Variants in FAP observed in about 807,000 individuals in gnomAD.
The protein encoded by FAP is prolyl endopeptidase FAP.
A neutral mutation model predicts 126.5 loss-of-function variants in FAP; 110 were observed. That is an observed-to-expected ratio of 0.87 (90% confidence interval 0.74 to 1.02). The LOEUF is 1.02. Among genes scored for constraint, FAP ranks in the 50% least tolerant of loss-of-function variants. The probability of loss-of-function intolerance (pLI) is 0.00; values close to 1 mark genes in which losing one functional copy is unlikely to be tolerated. For missense variants in FAP, 919 were observed against 909.2 expected (o/e 1.01, Z -0.14); for synonymous variants, 334 against 297.3 (o/e 1.12, Z -1.27).
Position 162,209,938 on chromosome 2 carries a change from T to C in FAP, c.1047+14A>G. ...GTTTCATTAAAACATAAGAAAAAGA[T>C]AGCAAAATCATACTCCACCAGCCCA... On this transcript the variant is annotated intron_variant, in intron 12 of 25. Coordinates refer to ENST00000188790, the MANE Select transcript of FAP (RefSeq NM_004460.5). 4 of 1,610,962 alleles carry C rather than the reference T, an allele frequency of 2.5e-6. No homozygotes were observed. Among genetic ancestry groups the C allele is most frequent in the Admixed American group, 1.7e-5 (1 of 59,968 alleles).
chr2:162,183,348 C>A lies in FAP; in HGVS notation c.1869+66G>T, dbSNP rs544037890. The A allele has an allele frequency of 3.4e-6, 4 of 1,193,550 alleles. No individual in the cohort carries two copies. The African/African-American group carries it at 4.6e-5, about 14-fold the overall frequency. The allele number at this position is 1,193,550 out of a possible 1,614,324, so 73.9% of individuals were successfully genotyped here. ...AACATTTCATGAGAAACCTTCTAAA[C>A]GAACACTTCAGAAAATGATGATTGC... On this transcript the variant is annotated intron_variant, in intron 21 of 25. Transcript: ENST00000188790.
At chr2:162,203,018 G>A (rs373032288) in intron 13 of FAP, 23 bp downstream of exon 13, 402 of 1,594,700 alleles carry the variant, frequency 2.5e-4, no homozygotes, top group Non-Finnish European at 3.4e-4. Context: ...TCTTTGAGGA[G>A]ATAAATCTTG....
intron 14 of FAP, among the ~76,000 whole-genome samples, chr2:162,200,869 G>T (rs1688471174): frequency 6.6e-6 from 1 of 152,102 alleles, no homozygotes; most frequent in Admixed American, 6.6e-5. Context: ...TTCATTATGA[G>T]TCATGCAAAA....
intron 2 of FAP, among the ~76,000 whole-genome samples, chr2:162,233,356 C>T (rs77335736): frequency 0.035 from 5,360 of 152,084 alleles, 464 homozygotes; most frequent in Admixed American, 0.21. Flanking sequence ...TCTATTTCTA[C>T]TGCACCCCCA....
At chr2:162,230,721 G>A (rs1559794071) in intron 2 of FAP, among the ~76,000 whole-genome samples, 1 of 151,994 alleles carries the variant, frequency 6.6e-6, no homozygotes, top group Non-Finnish European at 1.5e-5. Context: ...ATAAAAAACA[G>A]ATTCCTAGTA....
In FAP at chr2:162,243,381, T is replaced by C; in HGVS notation, c.-54A>G. ...ATTCTGTCTTCAGAGCGTGGGTCAC[T>C]GGATCTGTGAAAACCGTTGAAAAGG... is the stretch of plus-strand genomic sequence containing the variant. On this transcript the variant is annotated 5_prime_UTR_variant, in exon 1 of 26. Coordinates refer to ENST00000188790, the MANE Select transcript of FAP (RefSeq NM_004460.5). 1 of 1,595,726 alleles carries C rather than the reference T, an allele frequency of 6.3e-7. No individual in the cohort carries two copies. The highest frequency in any genetic ancestry group is 8.5e-7 in the Non-Finnish European group (1 of 1,173,492).
chr2:162,193,656 A>T (rs1688134617), intron 17 of FAP: 1 of 152,222 alleles, frequency 6.6e-6, no homozygotes, highest in South Asian at 2.1e-4. Context: ...GTTATTCTTA[A>T]AAGTATTTCC....
Position 162,215,901 on chromosome 2 carries a change from G to T in FAP, c.863C>A (p.Ser288Ter). The stretch of plus-strand genomic sequence containing the variant: ...GGAGGGATCTGAGATGAACTACCTT[G>T]AGGCTATCATTGCTGGAACAGGCAC... ...QEVPVPAMIA[S>*]SDYYFSWLTW... The change falls in exon 10 of 26, where the codon TCA (serine) becomes TAA (stop). Residue 288 changes from serine to a stop codon, truncating the protein, a stop_gained. Transcript: ENST00000188790. LOFTEE classifies it high-confidence loss of function. 6.2e-7 allele frequency: 1 copy of T among 1,608,880 alleles called. No individual in the cohort carries two copies. Among genetic ancestry groups the T allele is most frequent in the Non-Finnish European group, 8.5e-7 (1 of 1,175,198 alleles).
intron 20 of FAP, among the ~76,000 whole-genome samples, chr2:162,186,192 T>C (rs1005594362): frequency 6.6e-6 from 1 of 152,150 alleles, no homozygotes; most frequent in African/African-American, 2.4e-5. Context: ...TGTACTGCAA[T>C]GGCATGTATT....
chr2:162,211,208 A>C (rs1348702988), intron 11 of FAP, among the ~76,000 whole-genome samples: 1 of 152,168 alleles, frequency 6.6e-6, no homozygotes, highest in Admixed American at 6.5e-5. Flanking sequence ...GTTGATGCTC[A>C]GGTTTGACCA....
chr2:162,222,941 T>G (rs1277048596), intron 6 of FAP, among the ~76,000 whole-genome samples: 1 of 152,160 alleles, frequency 6.6e-6, no homozygotes, highest in Non-Finnish European at 1.5e-5. Flanking sequence ...CATATTCTTC[T>G]TGCTGCCAGA....
At chr2:162,218,165 A>C (rs760436227) in intron 8 of FAP, 25 bp from the exon 9 acceptor site, 7 of 1,470,184 alleles carry the variant, frequency 4.8e-6, no homozygotes, top group Non-Finnish European at 6.5e-6. Context: ...CTAGGATATT[A>C]ACTATAATTA....
intron 6 of FAP, 25 bp downstream of exon 6, chr2:162,223,583 G>A: frequency 1.4e-6 from 2 of 1,406,952 alleles, no homozygotes; most frequent in South Asian, 1.2e-5. Flanking sequence ...GATTTAAGTA[G>A]TATTAATAAA....
chr2:162,176,001 A>G (rs1037705464), intron 21 of FAP: 1 of 152,142 alleles, frequency 6.6e-6, no homozygotes, highest in African/African-American at 2.4e-5. Flanking sequence ...CCTAAAAATC[A>G]TAAGGGGACA....
At chr2:162,237,741 G>T (rs886393878) in intron 2 of FAP, among the ~76,000 whole-genome samples, 6 of 152,108 alleles carry the variant, frequency 3.9e-5, no homozygotes, top group Non-Finnish European at 7.4e-5. Context: ...TGGGTCAAAT[G>T]GTATTTCTGG....
At chr2:162,241,333 C>T (rs1690336806) in intron 2 of FAP, among the ~76,000 whole-genome samples, 1 of 152,216 alleles carries the variant, frequency 6.6e-6, no homozygotes, top group Middle Eastern at 3.4e-3. Flanking sequence ...GTAAGCTATA[C>T]ATAACTAAAC....
At chr2:162,240,852 A>G (rs771947575) in intron 2 of FAP, among the ~76,000 whole-genome samples, 1 of 152,032 alleles carries the variant, frequency 6.6e-6, no homozygotes, top group Non-Finnish European at 1.5e-5. Context: ...TCCTATTCTC[A>G]TAGGCACTGG....
intron 25 of FAP, chr2:162,172,478 T>C: frequency 4.7e-6 from 1 of 214,226 alleles, no homozygotes. Flanking sequence ...TGTTTAAGGA[T>C]GCTCAGGTTT....
Position 162,218,099 on chromosome 2 carries a change from T to C in FAP, c.649A>G (p.Asn217Asp). Residue 217 changes from asparagine (N) to aspartate (D), a missense_variant, in exon 9 of 26, where the codon AAT becomes GAT. Asn to Asp is a conservative substitution (Grantham distance 23). Coordinates refer to ENST00000188790, the MANE Select transcript of FAP (RefSeq NM_004460.5). Reference protein sequence around the residue: ...ATKYALWWSPNGKFLAYAEFN... With the variant: ...ATKYALWWSPDGKFLAYAEFN... ...TCCGCATATGCCAAAAATTTTCCAT[T>C]AGGAGACCACCAGAGAGCATATTTT... 6.2e-7 allele frequency: 1 copy of C among 1,609,752 alleles called. No individual in the cohort carries two copies. The highest frequency in any genetic ancestry group is 8.5e-7 in the Non-Finnish European group (1 of 1,177,850).
Sources: gnomAD v4.1 joint callset for allele counts (sites outside exome capture counted in the v4.1 genomes callset) on GRCh38, gnomAD v4.1.1 for gene constraint, MANE v1.5 for transcripts, NCBI Gene and HGNC (gene_info 2026-07-23, HGNC 2026-07-21) for gene names.